Variants in CP observed in about 807,000 individuals in gnomAD.
The protein encoded by CP is ceruloplasmin.
CP carries 64 observed loss-of-function variants against 122.4 expected under a neutral mutation model. The observed-to-expected ratio is 0.52, with a 90% CI of 0.43 to 0.64. The LOEUF (loss-of-function observed/expected upper bound fraction) is 0.64. Ranked by LOEUF, CP falls within the 30% of genes least tolerant of loss-of-function variation. The pLI is 0.00. For synonymous variants in CP, 440 were observed against 436.4 expected (o/e 1.01, Z -0.10); for missense variants, 1,167 against 1,284.4 (o/e 0.91, Z 1.40).
chr3:149,163,700 A>T, intron 5 of CP: 1 of 586,422 alleles, frequency 1.7e-6, no homozygotes, highest in Non-Finnish European at 3.0e-6. Context: ...AATTCTTAAA[A>T]ACTTTCCTTC....
chr3:149,187,993 A>C, intron 10 of CP, 59 bp downstream of exon 10: 2 of 1,567,256 alleles, frequency 1.3e-6, no homozygotes, highest in Non-Finnish European at 1.8e-6. Flanking sequence ...TTTAGTTAAA[A>C]GCATTACATA....
rs869206210 is a variant in CP, at chr3:149,184,028, C to CTTTTTTTTTTTTTTTTTT, written c.2286-441_2286-424dup. ...CCAGGCATTCCCTTTTCACTTACTT[C>CTTTTTTTTTTTTTTTTTT]TTTTTTTTTTTTTTTTTTTTTTTTT... On this transcript the variant is annotated intron_variant, in intron 12 of 18. Transcript: ENST00000264613. Among the ~76,000 whole-genome samples the CTTTTTTTTTTTTTTTTTT allele has an allele frequency of 9.4e-5, 6 of 63,564 alleles. 1 individual carries two copies. Among genetic ancestry groups the CTTTTTTTTTTTTTTTTTT allele is most frequent in the African/African-American group, 1.2e-4 (2 of 16,318 alleles). The allele number at this position is 63,564 out of a possible 152,430, so 41.7% of individuals were successfully genotyped here. A position where few individuals can be genotyped will look rare whatever the true frequency, so the allele number is the denominator to read the frequency against.
rs878959339 is a variant in CP, at chr3:149,210,367, G to A, written c.407C>T (p.Pro136Leu). 8 of 1,613,990 alleles carry A rather than the reference G, an allele frequency of 5.0e-6. No homozygotes were observed. Among genetic ancestry groups the A allele is most frequent in the South Asian group, 4.4e-5 (4 of 91,070 alleles). ...TCTTTGAAAATCTGTGGTGTTATCA[G>A]GGTAGATGGCCCCTAGGAAGCAACA... ...YYKEHEGAIYPDNTTDFQRAD... is the reference protein window; with the variant it reads ...YYKEHEGAIYLDNTTDFQRAD... The change falls in exon 3 of 19, where the codon CCT becomes CTT. Residue 136 changes from proline (P) to leucine (L), a missense_variant. By Grantham distance (98) the Pro-to-Leu change is moderately conservative (BLOSUM62 -3). This residue lies in a region of CP where 642 missense variants were observed against 627.3 expected (regional missense o/e 1.02). Transcript: ENST00000264613.
chr3:149,168,359 A>C, downstream of CP: 1 of 213,456 alleles, frequency 4.7e-6, no homozygotes, highest in Non-Finnish European at 9.5e-6. Flanking sequence ...CATAATTATA[A>C]GCAAGTATTG....
chr3:149,220,304 G>A (rs1728721615), intron 1 of CP, among the ~76,000 whole-genome samples: 1 of 151,882 alleles, frequency 6.6e-6, no homozygotes, highest in Admixed American at 6.6e-5. Context: ...GGTGAGTGGG[G>A]GCATAGAGAA....
chr3:149,195,865 C>CAA (rs1207450901), intron 9 of CP, among the ~76,000 whole-genome samples: 4 of 54,594 alleles, frequency 7.3e-5, no homozygotes, highest in Non-Finnish European at 1.1e-4. Flanking sequence ...GACACCGTCT[C>CAA]AAAAAAAAAA....
At chr3:149,207,222 T>C in intron 5 of CP, 141 bp downstream of exon 5, 1 of 894,268 alleles carries the variant, frequency 1.1e-6, no homozygotes, top group Non-Finnish European at 1.7e-6. Context: ...TTTATTACAT[T>C]ATTATATATA....
At position 149,199,697 on chromosome 3, in the gene CP, G is replaced by C. The variant is rs376227428; in HGVS notation, c.1501+15C>G. 11 of 1,613,704 alleles carry C rather than the reference G, an allele frequency of 6.8e-6. No individual in the cohort carries two copies. In the African/African-American group the frequency reaches 1.5e-4, roughly 22 times the overall value. On this transcript the variant is annotated intron_variant, in intron 8 of 18. Transcript: ENST00000264613. ...TTAAACATTGTTGATTTGTTACACAGTGCTGTATACTCACTTCTGCTCTGG... is the reference window on the plus strand; with the variant it reads ...TTAAACATTGTTGATTTGTTACACACTGCTGTATACTCACTTCTGCTCTGG...
chr3:149,179,494 G>T, intron 15 of CP, 62 bp downstream of exon 15: 1 of 1,250,246 alleles, frequency 8.0e-7, no homozygotes, highest in Non-Finnish European at 1.2e-6. Context: ...CACTAACCTT[G>T]TCTTCCTTCA....
chr3:149,206,220 C>A lies in CP; in HGVS notation c.1156G>T (p.Ala386Ser). The A allele has an allele frequency of 6.2e-7, 1 of 1,613,966 alleles. No homozygotes were observed. Among genetic ancestry groups the A allele is most frequent in the Non-Finnish European group, 8.5e-7 (1 of 1,179,904 alleles). ...IAAEEIIWNY[A>S]PSGIDIFTKE... ...GTGAAGATGTCTATACCAGAGGGAG[C>A]ATAGTTCCAGATGATTTCCTCAGCG... is the stretch of plus-strand genomic sequence containing the variant. Residue 386 changes from alanine to serine, a missense_variant, in exon 6 of 19, where the codon GCT becomes TCT. By Grantham distance (99) the Ala-to-Ser change is moderately conservative. This residue lies in a region of CP where 642 missense variants were observed against 627.3 expected (regional missense o/e 1.02). Coordinates refer to ENST00000264613, the MANE Select transcript of CP (RefSeq NM_000096.4).
At chr3:149,202,605 CTTTTTTTTTTTTT>C (rs34873592) in intron 6 of CP, among the ~76,000 whole-genome samples, 1 of 106,814 alleles carries the variant, frequency 9.4e-6, no homozygotes, top group African/African-American at 3.3e-5. Context: ...TGTTGTTTGT[CTTTTTTTTTTTTT>C]TTTTTTTTGA....
At chr3:149,211,198 A>G (rs1559959187) in intron 2 of CP, among the ~76,000 whole-genome samples, 1 of 152,232 alleles carries the variant, frequency 6.6e-6, no homozygotes, top group Non-Finnish European at 1.5e-5. Context: ...AAGACAACTA[A>G]TAATGAATCA....
intron 1 of CP, among the ~76,000 whole-genome samples, chr3:149,220,977 C>T (rs559557876): frequency 1.2e-3 from 181 of 152,286 alleles, no homozygotes; most frequent in African/African-American, 4.3e-3. Flanking sequence ...GATTTTCCAA[C>T]TGAAAAATGA....
rs768834460 is a variant in CP at position 149,183,615 on chromosome 3, AAAAAC to A, written c.2286-15_2286-11del. 6 of 1,542,546 alleles carry A rather than the reference AAAAAC, an allele frequency of 3.9e-6. No individual in the cohort carries two copies. The African/African-American group carries it at 7.8e-5, about 20-fold the overall frequency. ...AAATGCATTTGAAACACTTAAAAAAAAAAACAACTAAGGTTAGTATTTGTCTTAAT... is the reference window on the plus strand; with the variant it reads ...AAATGCATTTGAAACACTTAAAAAAAAACTAAGGTTAGTATTTGTCTTAAT... On this transcript the variant is annotated splice_polypyrimidine_tract_variant and intron_variant, in intron 12 of 18. Transcript: ENST00000264613.
intron 1 of CP, among the ~76,000 whole-genome samples, 161 bp from the exon 2 acceptor site, chr3:149,212,859 T>C (rs1414824442): frequency 6.6e-6 from 1 of 152,224 alleles, no homozygotes; most frequent in Non-Finnish European, 1.5e-5. Context: ...GGAGGGCTGG[T>C]AGTTAGCCCT....
chr3:149,196,737 T>TAA (rs34239280), intron 9 of CP, among the ~76,000 whole-genome samples: 41 of 150,440 alleles, frequency 2.7e-4, no homozygotes, highest in African/African-American at 6.4e-4. Flanking sequence ...TACTTAAAAG[T>TAA]AAAAAAAAAT....
At chr3:149,192,730 A>G (rs1041498435) in intron 9 of CP, among the ~76,000 whole-genome samples, 1 of 151,964 alleles carries the variant, frequency 6.6e-6, no homozygotes, top group Non-Finnish European at 1.5e-5. Context: ...TGGATTAATA[A>G]TTGAAAATGA....
chr3:149,199,602 G>T, intron 8 of CP, 110 bp downstream of exon 8: 1 of 1,254,032 alleles, frequency 8.0e-7, no homozygotes, highest in South Asian at 1.2e-5. Flanking sequence ...AATGATATAT[G>T]AGCGGTTTCC....
At chr3:149,198,287 T>G in intron 9 of CP, 80 bp downstream of exon 9, 1 of 1,113,148 alleles carries the variant, frequency 9.0e-7, no homozygotes, top group Non-Finnish European at 1.4e-6. Flanking sequence ...GAGATAATGA[T>G]GAGGTTAGAT....
Sources: gnomAD v4.1 joint callset for allele counts (sites outside exome capture counted in the v4.1 genomes callset) on GRCh38, gnomAD v4.1.1 for gene constraint, gnomAD v4.1.1 regional missense constraint, MANE v1.5 for transcripts, NCBI Gene and HGNC (gene_info 2026-07-23, HGNC 2026-07-21) for gene names.